The following SGK1 variants were observed in gnomAD, a reference collection of about 807,000 sequenced individuals.
SGK1 encodes serum/glucocorticoid regulated kinase 1.
In SGK1, 26 loss-of-function variants were observed where a neutral mutation model predicts 64.2. The ratio of observed to expected loss-of-function variants is 0.40; its 90% CI spans 0.30 to 0.56. The LOEUF is 0.56. Ranked by LOEUF, SGK1 falls within the 20% of genes least tolerant of loss-of-function variation. The pLI is 0.38. For missense variants in SGK1, 519 were observed against 645.6 expected, an observed-to-expected ratio of 0.80 and a Z score of 2.12; for synonymous variants, 265 against 239.7, an observed-to-expected ratio of 1.11 and a Z score of -0.98.
chr6:134,206,365 A>T lies in SGK1; in HGVS notation c.361+991T>A, dbSNP rs1562250308. On this transcript the variant is annotated intron_variant, in intron 3 of 13. Transcript: ENST00000367858. ...TATATATATATATATATATATATAT[A>T]TATATATATATATATATATTTTTTT... Among the ~76,000 whole-genome samples the T allele has an allele frequency of 5.6e-3, 58 of 10,272 alleles. 10 individuals are homozygous for T. The highest frequency in any genetic ancestry group is 9.4e-3 in the Non-Finnish European group (31 of 3,286). The allele number at this position is 10,272 out of a possible 152,430, so 6.7% of individuals were successfully genotyped here.
At chr6:134,261,567 C>A in intron 2 of SGK1, 1 of 471,354 alleles carries the variant, frequency 2.1e-6, no homozygotes, top group South Asian at 4.6e-5. Context: ...ATGGTGGATG[C>A]ATGTTATTAT....
intron 1 of SGK1, among the ~76,000 whole-genome samples, chr6:134,300,952 G>A (rs1562278947): frequency 6.6e-6 from 1 of 152,112 alleles, no homozygotes; most frequent in Non-Finnish European, 1.5e-5. Flanking sequence ...TATTTTGGAA[G>A]TAAACACAGT....
At chr6:134,201,791 T>C (rs1054037780) in intron 3 of SGK1, among the ~76,000 whole-genome samples, 1 of 152,166 alleles carries the variant, frequency 6.6e-6, no homozygotes, top group Non-Finnish European at 1.5e-5. Flanking sequence ...AGATTTGGTG[T>C]TGTGGATGGA....
chr6:134,182,237 C>T (rs1242376442), intron 3 of SGK1, among the ~76,000 whole-genome samples: 1 of 151,964 alleles, frequency 6.6e-6, no homozygotes, highest in African/African-American at 2.4e-5. Context: ...ATACCTGCCT[C>T]ATATAAGTTG....
chr6:134,202,034 T>C (rs141130015), intron 3 of SGK1, among the ~76,000 whole-genome samples: 2 of 152,180 alleles, frequency 1.3e-5, no homozygotes, highest in Non-Finnish European at 2.9e-5. Context: ...TAGATTCTAC[T>C]CTAGGCACAT....
intron 1 of SGK1, among the ~76,000 whole-genome samples, chr6:134,309,807 C>CAG (rs1777585228): frequency 6.6e-6 from 1 of 152,102 alleles, no homozygotes; most frequent in Non-Finnish European, 1.5e-5. Context: ...GCATCCCACT[C>CAG]ATAAGTCAGG....
rs571468224 is a variant in SGK1 at position 134,187,315 on chromosome 6, C to G, written c.362-12729G>C. Among the ~76,000 whole-genome samples, 14 of 152,278 alleles carry G rather than the reference C, an allele frequency of 9.2e-5. 1 individual carries two copies. The highest frequency in any genetic ancestry group is 3.4e-4 in the African/African-American group (14 of 41,564). On this transcript the variant is annotated intron_variant, in intron 3 of 13. Transcript: ENST00000367858. ...TGTGTCTCCGGAAGCACTCCTCCCTCTGGAACTAAGACCTCCAGGCCTGCA... is the reference window on the plus strand; with the variant it reads ...TGTGTCTCCGGAAGCACTCCTCCCTGTGGAACTAAGACCTCCAGGCCTGCA...
At chr6:134,260,374 A>ACCCCCCCCCCCCCCCC (rs34069435) in intron 2 of SGK1, 2 of 113,164 alleles carry the variant, frequency 1.8e-5, no homozygotes, top group Non-Finnish European at 3.6e-5. Flanking sequence ...CCCGACCCCC[A>ACCCCCCCCCCCCCCCC]CCCCCCCCAA....
intron 2 of SGK1, among the ~76,000 whole-genome samples, chr6:134,225,566 A>G (rs1274922448): frequency 6.6e-6 from 1 of 152,042 alleles, no homozygotes; most frequent in Non-Finnish European, 1.5e-5. Context: ...TTCACACTAA[A>G]GTTCAGAATA....
intron 1 of SGK1, among the ~76,000 whole-genome samples, chr6:134,292,530 C>A (rs1777283239): frequency 6.6e-6 from 1 of 151,912 alleles, no homozygotes; most frequent in East Asian, 1.9e-4. Context: ...GAGGCAGAGG[C>A]TGCAGTGAGC....
At chr6:134,228,934 T>C (rs1001456846) in intron 2 of SGK1, among the ~76,000 whole-genome samples, 6 of 150,522 alleles carry the variant, frequency 4.0e-5, no homozygotes, top group South Asian at 2.1e-4. Context: ...AGCTCCGCCT[T>C]CCGGGTTCAC....
At chr6:134,182,241 T>G (rs1282443565) in intron 3 of SGK1, among the ~76,000 whole-genome samples, 2 of 152,032 alleles carry the variant, frequency 1.3e-5, no homozygotes, top group Non-Finnish European at 2.9e-5. Flanking sequence ...CTGCCTCATA[T>G]AAGTTGTGAA....
intron 1 of SGK1, chr6:134,297,818 A>G (rs7752910): frequency 1.5e-6 from 1 of 670,884 alleles, no homozygotes; most frequent in South Asian, 1.5e-5. Flanking sequence ...CAGTCTTTGT[A>G]TGCTGCAGGT....
At chr6:134,204,116 T>C (rs567346361) in intron 3 of SGK1, among the ~76,000 whole-genome samples, 1 of 147,560 alleles carries the variant, frequency 6.8e-6, no homozygotes, top group South Asian at 2.1e-4. Flanking sequence ...AGGTTCAAAA[T>C]ACATAAAGCA....
At chr6:134,245,112 T>C (rs1776507343) in intron 2 of SGK1, among the ~76,000 whole-genome samples, 1 of 152,062 alleles carries the variant, frequency 6.6e-6, no homozygotes, top group Non-Finnish European at 1.5e-5. Flanking sequence ...GGACCTGTAG[T>C]TTGTTTTTTG....
rs77307720 is a variant in SGK1 at position 134,271,347 on chromosome 6, G to A, written c.70-9199C>T. ...AAAAATTGTGGGACTCATTCTTTTC[G>A]TTTGAATTTGTCTTTCCTCGATATG... On this transcript the variant is annotated intron_variant, in intron 1 of 13. Transcript: ENST00000367858. 9.9e-3 allele frequency among the ~76,000 whole-genome samples: 1,289 copies of A among 130,516 alleles called. 99 individuals are homozygous for A. The highest frequency in any genetic ancestry group is 0.063 in the South Asian group (257 of 4,060). The allele number at this position is 130,516 out of a possible 152,430, so 85.6% of individuals were successfully genotyped here. A position where few individuals can be genotyped will look rare whatever the true frequency, so the allele number is the denominator to read the frequency against.
At chr6:134,225,115 C>T (rs1776151098) in intron 2 of SGK1, among the ~76,000 whole-genome samples, 1 of 151,304 alleles carries the variant, frequency 6.6e-6, no homozygotes, top group Non-Finnish European at 1.5e-5. Context: ...TTTGGGAGGC[C>T]GAGGCAGGTG....
At chr6:134,316,137 T>C (rs1777681213) in intron 1 of SGK1, among the ~76,000 whole-genome samples, 1 of 152,202 alleles carries the variant, frequency 6.6e-6, no homozygotes, top group Admixed American at 6.5e-5. Context: ...GATTTTGCTT[T>C]ACTGATGAGA....
chr6:134,251,969 C>T (rs1187431306), intron 2 of SGK1, among the ~76,000 whole-genome samples: 1 of 152,078 alleles, frequency 6.6e-6, no homozygotes, highest in East Asian at 1.9e-4. Context: ...GTGACCCAGG[C>T]TGGTCTTGAA....
Sources: allele counts gnomAD v4.1 joint callset (sites outside exome capture counted in the v4.1 genomes callset), GRCh38; gene constraint gnomAD v4.1.1; transcripts MANE v1.5; gene names NCBI Gene and HGNC (gene_info 2026-07-23, HGNC 2026-07-21).